The following CSMD1 variants were observed in gnomAD, a reference collection of about 807,000 sequenced individuals.
CSMD1 encodes the protein CUB and Sushi multiple domains 1.
Under a neutral mutation model 417.5 loss-of-function variants are expected in CSMD1, and 213 were observed. That is an observed-to-expected ratio of 0.51 (90% CI 0.46 to 0.57). The LOEUF is 0.57. Ranked by LOEUF, CSMD1 falls within the 20% of genes least tolerant of loss-of-function variation. The probability of loss-of-function intolerance (pLI) is 0.00; values close to 1 mark genes in which losing one functional copy is unlikely to be tolerated. For synonymous variants in CSMD1, 2,862 were observed against 1,736.8 expected (o/e 1.65, Z -16.11); for missense variants, 6,923 against 4,529.7 (o/e 1.53, Z -15.17).
chr8:3,168,653 A>ACACACACAC (rs1554448529), intron 37 of CSMD1, among the ~76,000 whole-genome samples: 1 of 151,764 alleles, frequency 6.6e-6, no homozygotes. Context: ...ACACACACAC[A>ACACACACAC]AATATATATA....
chr8:3,752,676 CAAAAAAAAA>C (rs200769696), intron 6 of CSMD1, among the ~76,000 whole-genome samples: 3 of 96,938 alleles, frequency 3.1e-5, no homozygotes, highest in African/African-American at 1.4e-4. Context: ...CCCCGCCTGG[CAAAAAAAAA>C]AAAAAAAAAA....
chr8:4,990,766 T>C (rs1006835947), intron 1 of CSMD1, among the ~76,000 whole-genome samples: 2 of 152,068 alleles, frequency 1.3e-5, no homozygotes, highest in East Asian at 1.9e-4. Context: ...GGCTCTGCCA[T>C]AAAGGAGTCT....
chr8:3,030,125 C>A (rs1810243985), intron 50 of CSMD1, among the ~76,000 whole-genome samples: 1 of 151,996 alleles, frequency 6.6e-6, no homozygotes, highest in Non-Finnish European at 1.5e-5. Context: ...ATAGCAGTTA[C>A]TTAAGAAAGA....
At position 4,444,169 on chromosome 8, in the gene CSMD1, C is replaced by G. The variant is rs375525406; in HGVS notation, c.303-24104G>C. On this transcript the variant is annotated intron_variant, in intron 2 of 69. Coordinates refer to ENST00000635120, the MANE Select transcript of CSMD1 (RefSeq NM_033225.6). The stretch of plus-strand genomic sequence containing the variant: ...CCACTCTGGCCAACATGGCAAAACC[C>G]TGTGCCTACTAAAAATATAAAAACT... Among the ~76,000 whole-genome samples the G allele has an allele frequency of 3.0e-4, 46 of 151,852 alleles. No individual in the cohort carries two copies. In the Middle Eastern group the frequency reaches 0.014, roughly 45 times the overall value.
At chr8:4,123,166 G>GT (rs1469494380) in intron 3 of CSMD1, among the ~76,000 whole-genome samples, 2 of 152,214 alleles carry the variant, frequency 1.3e-5, no homozygotes, top group East Asian at 1.9e-4. Context: ...ATGCTGAGAT[G>GT]TTTTTTATAA....
At chr8:3,943,287 C>G (rs1264257730) in intron 5 of CSMD1, among the ~76,000 whole-genome samples, 1 of 151,044 alleles carries the variant, frequency 6.6e-6, no homozygotes, top group Non-Finnish European at 1.5e-5. Flanking sequence ...GTATGCAAAG[C>G]ACTTTATCAC....
intron 2 of CSMD1, among the ~76,000 whole-genome samples, chr8:4,608,999 A>G (rs1307499789): frequency 6.7e-6 from 1 of 149,864 alleles, no homozygotes; most frequent in African/African-American, 2.5e-5. Flanking sequence ...GGAATGTGGC[A>G]TACTTGAATG....
At chr8:4,025,962 CA>C (rs1027581872) in intron 4 of CSMD1, among the ~76,000 whole-genome samples, 16 of 147,422 alleles carry the variant, frequency 1.1e-4, no homozygotes, top group African/African-American at 3.5e-4. Context: ...ATAACCCTGG[CA>C]AAAGATCATT....
intron 6 of CSMD1, among the ~76,000 whole-genome samples, chr8:3,741,628 A>G (rs1265081191): frequency 6.6e-6 from 1 of 152,226 alleles, no homozygotes; most frequent in Non-Finnish European, 1.5e-5. Flanking sequence ...GTGCAGACAG[A>G]TAACTTCTAG....
At chr8:4,466,220 G>T (rs182696892) in intron 2 of CSMD1, among the ~76,000 whole-genome samples, 4 of 152,022 alleles carry the variant, frequency 2.6e-5, no homozygotes, top group South Asian at 2.1e-4. Context: ...AGTGAGACAG[G>T]GATCTCTCCT....
intron 1 of CSMD1, among the ~76,000 whole-genome samples, chr8:4,728,381 C>T (rs1201184122): frequency 4.0e-5 from 6 of 151,754 alleles, no homozygotes; most frequent in South Asian, 2.1e-4. Context: ...ATATAAGGGA[C>T]GTATTTAGGG....
intron 1 of CSMD1, among the ~76,000 whole-genome samples, chr8:4,795,602 CTTT>C (rs976595500): frequency 3.3e-5 from 5 of 151,962 alleles, no homozygotes; most frequent in African/African-American, 1.2e-4. Context: ...GTTTTTTCTT[CTTT>C]AACCATAACA....
chr8:4,727,843 A>G (rs115668281), intron 1 of CSMD1, among the ~76,000 whole-genome samples: 2,733 of 149,786 alleles, frequency 0.018, 79 homozygotes, highest in African/African-American at 0.062. Flanking sequence ...TATCTATTAT[A>G]TATACATATT....
At chr8:4,817,434 T>C (rs752000048) in intron 1 of CSMD1, among the ~76,000 whole-genome samples, 6 of 152,368 alleles carry the variant, frequency 3.9e-5, no homozygotes, top group African/African-American at 1.2e-4. Flanking sequence ...AGTGTTTTCA[T>C]AGAAGTAGGA....
rs372962476 is a variant in CSMD1, at chr8:4,641,356, G to C, written c.86-3798C>G. Reference sequence around the variant, plus strand: ...CAGAATGTTAGATATAGAAGAATCAGAGAGTTAGTTTTTTTGCAGATTTCT... The same window carrying C: ...CAGAATGTTAGATATAGAAGAATCACAGAGTTAGTTTTTTTGCAGATTTCT... On this transcript the variant is annotated intron_variant, in intron 1 of 69. Transcript: ENST00000635120. Among the ~76,000 whole-genome samples the C allele has an allele frequency of 3.3e-5, 5 of 152,198 alleles. No individual in the cohort carries two copies. The East Asian group carries it at 7.8e-4, about 24-fold the overall frequency.
At chr8:3,418,965 T>G (rs1813322515) in intron 12 of CSMD1, among the ~76,000 whole-genome samples, 4 of 152,220 alleles carry the variant, frequency 2.6e-5, no homozygotes, top group Admixed American at 2.6e-4. Context: ...CCAGAATTAA[T>G]TAGTAGAAAT....
intron 49 of CSMD1, among the ~76,000 whole-genome samples, chr8:3,066,020 A>G (rs1295241545): frequency 2.6e-5 from 4 of 152,214 alleles, no homozygotes; most frequent in Admixed American, 1.3e-4. Context: ...TGAAAAATTC[A>G]TAATAATGGG....
At chr8:4,334,945 C>T (rs1425842150) in intron 3 of CSMD1, among the ~76,000 whole-genome samples, 2 of 152,116 alleles carry the variant, frequency 1.3e-5, no homozygotes, top group African/African-American at 2.4e-5. Context: ...ATTTTTGCTA[C>T]ATCCTCACAT....
intron 10 of CSMD1, among the ~76,000 whole-genome samples, chr8:3,564,619 G>A (rs561677300): frequency 5.3e-4 from 77 of 145,446 alleles, no homozygotes; most frequent in South Asian, 3.5e-3. Context: ...AGCTCCAAGA[G>A]GAGGCAGTAA....
Sources: allele counts gnomAD v4.1 joint callset (sites outside exome capture counted in the v4.1 genomes callset), GRCh38; gene constraint gnomAD v4.1.1; transcripts MANE v1.5; gene names NCBI Gene and HGNC (gene_info 2026-07-23, HGNC 2026-07-21).